Variants in TACR1 observed in about 807,000 individuals in gnomAD.
The protein encoded by TACR1 is tachykinin receptor 1, also known as substance-P receptor.
A neutral mutation model predicts 35.8 loss-of-function variants in TACR1; 25 were observed. The observed-to-expected ratio is 0.70, with a 90% CI of 0.51 to 0.98. The LOEUF (loss-of-function observed/expected upper bound fraction) is 0.98. Among genes scored for constraint, TACR1 ranks in the 50% least tolerant of loss-of-function variants. TACR1 has a pLI of 0.00. For missense variants in TACR1, 478 were observed against 522.9 expected (o/e 0.91, Z 0.84); for synonymous variants, 195 against 206.7 (o/e 0.94, Z 0.48).
chr2:75,116,022 TTG>T (rs1218756472), intron 2 of TACR1, among the ~76,000 whole-genome samples: 1 of 152,160 alleles, frequency 6.6e-6, no homozygotes, highest in African/African-American at 2.4e-5. Flanking sequence ...AGGCTATATT[TTG>T]TGTTATAAAG....
chr2:75,114,472 CA>C (rs1335297450), intron 2 of TACR1, among the ~76,000 whole-genome samples: 1 of 152,190 alleles, frequency 6.6e-6, no homozygotes, highest in Non-Finnish European at 1.5e-5. Context: ...TCCTTGTCCT[CA>C]GGGGCATTGC....
intron 2 of TACR1, among the ~76,000 whole-genome samples, chr2:75,080,699 A>G (rs1183506721): frequency 6.6e-6 from 1 of 152,182 alleles, no homozygotes; most frequent in Non-Finnish European, 1.5e-5. Context: ...ATTTCCAGGC[A>G]GGGTTAGCAG....
intron 1 of TACR1, among the ~76,000 whole-genome samples, chr2:75,140,088 T>C (rs1202013807): frequency 6.6e-6 from 1 of 152,162 alleles, no homozygotes; most frequent in African/African-American, 2.4e-5. Context: ...TATGATTATC[T>C]CTATCTTTCC....
At chr2:75,087,231 C>T (rs1187337573) in intron 2 of TACR1, among the ~76,000 whole-genome samples, 1 of 152,180 alleles carries the variant, frequency 6.6e-6, no homozygotes, top group African/African-American at 2.4e-5. Flanking sequence ...AATGTGGCTA[C>T]TAGAAAATTA....
At chr2:75,137,410 C>T (rs1239886908) in intron 1 of TACR1, among the ~76,000 whole-genome samples, 3 of 152,050 alleles carry the variant, frequency 2.0e-5, no homozygotes, top group Non-Finnish European at 4.4e-5. Flanking sequence ...TCTTCTAGGT[C>T]CAAGATAAAA....
intron 1 of TACR1, among the ~76,000 whole-genome samples, chr2:75,146,111 A>G (rs1281461971): frequency 6.6e-6 from 1 of 151,966 alleles, no homozygotes; most frequent in Non-Finnish European, 1.5e-5. Context: ...GAGAGAGAAG[A>G]ACCTTTTTAA....
intron 2 of TACR1, among the ~76,000 whole-genome samples, chr2:75,058,720 A>G (rs918845570): frequency 2.0e-5 from 3 of 152,222 alleles, no homozygotes; most frequent in Non-Finnish European, 2.9e-5. Context: ...ATGAGGCTTG[A>G]CACATTTTAC....
chr2:75,085,935 A>G (rs1451903455), intron 2 of TACR1, among the ~76,000 whole-genome samples: 1 of 152,198 alleles, frequency 6.6e-6, no homozygotes, highest in Non-Finnish European at 1.5e-5. Flanking sequence ...AAGCTATTGT[A>G]TGTGACACCG....
chr2:75,078,576 G>A (rs2103828437), intron 2 of TACR1, among the ~76,000 whole-genome samples: 1 of 151,610 alleles, frequency 6.6e-6, no homozygotes, highest in South Asian at 2.1e-4. Context: ...ATATCCAATG[G>A]CATCTTTGTT....
At chr2:75,178,806 A>G (rs1471350381) in intron 1 of TACR1, among the ~76,000 whole-genome samples, 5 of 152,148 alleles carry the variant, frequency 3.3e-5, no homozygotes, top group African/African-American at 4.8e-5. Context: ...TACCTTACCT[A>G]TTAGTTCTCT....
At chr2:75,128,031 A>G (rs1255622369) in intron 1 of TACR1, among the ~76,000 whole-genome samples, 1 of 152,140 alleles carries the variant, frequency 6.6e-6, no homozygotes, top group Non-Finnish European at 1.5e-5. Context: ...CCATCACTGG[A>G]CGGTAAGCTT....
At chr2:75,080,838 C>G (rs944438850) in intron 2 of TACR1, among the ~76,000 whole-genome samples, 2 of 152,152 alleles carry the variant, frequency 1.3e-5, no homozygotes, top group African/African-American at 4.8e-5. Context: ...AGTTATTACC[C>G]TATTAGCTGA....
chr2:75,056,057 T>C (rs1213295972), intron 2 of TACR1, among the ~76,000 whole-genome samples: 1 of 152,188 alleles, frequency 6.6e-6, no homozygotes, highest in Non-Finnish European at 1.5e-5. Context: ...TTTTAGAAAC[T>C]TCCCCCAAGT....
chr2:75,099,417 A>G (rs1673489252), intron 2 of TACR1, among the ~76,000 whole-genome samples: 6 of 152,130 alleles, frequency 3.9e-5, no homozygotes, highest in Admixed American at 2.6e-4. Flanking sequence ...ACTCACATTC[A>G]CTGAACCTGA....
Position 75,120,722 on chromosome 2 carries a change from C to T in TACR1, c.436G>A (p.Ala146Thr). 1.2e-6 allele frequency: 2 copies of T among 1,613,834 alleles called. No homozygotes were observed. Among genetic ancestry groups the T allele is most frequent in the South Asian group, 1.1e-5 (1 of 91,036 alleles). Residue 146 changes from alanine (A) to threonine (T), a missense_variant, in exon 2 of 5, where the codon GCC becomes ACC. By Grantham distance (58) the Ala-to-Thr change is moderately conservative. Coordinates refer to ENST00000305249, the MANE Select transcript of TACR1 (RefSeq NM_001058.4). Reference sequence around the variant, plus strand: ...ATGACACAGATGACCACTTTGGTGGCTGTGGCTGACAGCCGGGGCTGGAGG... The same window carrying T: ...ATGACACAGATGACCACTTTGGTGGTTGTGGCTGACAGCCGGGGCTGGAGG... ...HPLQPRLSAT[A>T]TKVVICVIWV...
intron 1 of TACR1, among the ~76,000 whole-genome samples, chr2:75,142,733 A>G (rs998282290): frequency 6.6e-6 from 1 of 152,124 alleles, no homozygotes; most frequent in Non-Finnish European, 1.5e-5. Flanking sequence ...ACCAGAGGAG[A>G]GGGCAATCAA....
chr2:75,167,740 C>G (rs974234161), intron 1 of TACR1, among the ~76,000 whole-genome samples: 1 of 152,034 alleles, frequency 6.6e-6, no homozygotes, highest in East Asian at 1.9e-4. Flanking sequence ...CTCTGAATGT[C>G]AAAAAGATCT....
rs369829818 is a variant in TACR1, at chr2:75,085,463, C to T, written c.585-31708G>A. ...ATAAACCCATTGGTCCTAGCGCAAT[C>T]GCACTGGAGGAAGTAGTTACTCTCC... On this transcript the variant is annotated intron_variant, in intron 2 of 4. Transcript: ENST00000305249. Among the ~76,000 whole-genome samples, 26 of 152,284 alleles carry T rather than the reference C, an allele frequency of 1.7e-4. No homozygotes were observed. The East Asian group carries it at 3.7e-3, about 21-fold the overall frequency.
intron 2 of TACR1, among the ~76,000 whole-genome samples, chr2:75,089,476 G>A (rs72918520): frequency 0.047 from 7,206 of 152,230 alleles, 541 homozygotes; most frequent in African/African-American, 0.16. Flanking sequence ...AAACATGAGC[G>A]GGTTAAGAGC....
Sources: gnomAD v4.1 joint callset for allele counts (sites outside exome capture counted in the v4.1 genomes callset) on GRCh38, gnomAD v4.1.1 for gene constraint, MANE v1.5 for transcripts, NCBI Gene and HGNC (gene_info 2026-07-23, HGNC 2026-07-21) for gene names.